SULF1: variants seen among roughly 807,000 people sequenced by gnomAD.
The protein encoded by SULF1 is extracellular sulfatase Sulf-1.
SULF1 carries 46 observed loss-of-function variants against 110.5 expected under a neutral mutation model. The ratio of observed to expected loss-of-function variants is 0.42; its 90% CI spans 0.33 to 0.53. The LOEUF (loss-of-function observed/expected upper bound fraction) is 0.53, where lower values mean the gene tolerates loss of function less well. SULF1 is among the 20% of genes least tolerant of loss of function. SULF1 has a pLI of 0.12. For synonymous variants in SULF1, 371 were observed against 387.1 expected (o/e 0.96, Z 0.49); for missense variants, 941 against 1,094.2 (o/e 0.86, Z 1.98).
intron 1 of SULF1, among the ~76,000 whole-genome samples, chr8:69,493,797 AG>A (rs1355633359): frequency 1.3e-5 from 2 of 152,252 alleles, no homozygotes. Flanking sequence ...TTTTAAGCAC[AG>A]GCAAAACTCA....
At chr8:69,538,877 G>A (rs1301995880) in intron 3 of SULF1, among the ~76,000 whole-genome samples, 1 of 152,080 alleles carries the variant, frequency 6.6e-6, no homozygotes, top group African/African-American at 2.4e-5. Context: ...ATTTTTAGTG[G>A]AGATGGGGTT....
intron 5 of SULF1, among the ~76,000 whole-genome samples, chr8:69,571,977 C>T (rs571173120): frequency 3.7e-4 from 57 of 152,296 alleles, no homozygotes; most frequent in African/African-American, 1.3e-3. Context: ...CAACAATTAA[C>T]GCCACCATGG....
intron 3 of SULF1, among the ~76,000 whole-genome samples, chr8:69,504,347 A>G (rs569285728): frequency 1.3e-5 from 2 of 152,100 alleles, no homozygotes; most frequent in Admixed American, 6.5e-5. Context: ...TGAGGTCAGG[A>G]GTTCGAGACC....
rs1364484854 is a variant in SULF1 at position 69,658,539 on chromosome 8, G to T, written c.*4G>T. 1.2e-6 allele frequency: 2 copies of T among 1,610,944 alleles called. No homozygotes were observed. Among genetic ancestry groups the T allele is most frequent in the African/African-American group, 1.3e-5 (1 of 74,854 alleles). ...ATGGGATGGATGGGAAGGTTAATCAGCCCCGTCTCACTGCAGACATCAACT... is the reference window on the plus strand; with the variant it reads ...ATGGGATGGATGGGAAGGTTAATCATCCCCGTCTCACTGCAGACATCAACT... On this transcript the variant is annotated 3_prime_UTR_variant, in exon 23 of 23. Coordinates refer to ENST00000402687, the MANE Select transcript of SULF1 (RefSeq NM_001128205.2).
At chr8:69,475,211 A>G (rs1809251130) in intron 1 of SULF1, among the ~76,000 whole-genome samples, 1 of 152,130 alleles carries the variant, frequency 6.6e-6, no homozygotes, top group Non-Finnish European at 1.5e-5. Flanking sequence ...TAGCTAAGTC[A>G]GGCCAGATTC....
chr8:69,604,546 A>G (rs1158337043), intron 12 of SULF1, among the ~76,000 whole-genome samples: 1 of 152,194 alleles, frequency 6.6e-6, no homozygotes, highest in Non-Finnish European at 1.5e-5. Context: ...TGAAACATGT[A>G]TGCCCAAATT....
intron 13 of SULF1, among the ~76,000 whole-genome samples, chr8:69,610,380 A>C (rs73686108): frequency 6.6e-6 from 1 of 152,164 alleles, no homozygotes; most frequent in African/African-American, 2.4e-5. Context: ...TACCATGGAG[A>C]TCCTCCTAGA....
At chr8:69,471,067 C>T (rs943660263) in intron 1 of SULF1, among the ~76,000 whole-genome samples, 6 of 152,184 alleles carry the variant, frequency 3.9e-5, no homozygotes, top group African/African-American at 1.4e-4. Flanking sequence ...GCTTAAGTTC[C>T]ACCGCCTTTG....
intron 3 of SULF1, among the ~76,000 whole-genome samples, chr8:69,525,192 GAGA>G (rs999510560): frequency 3.9e-5 from 6 of 152,252 alleles, no homozygotes; most frequent in African/African-American, 1.4e-4. Context: ...CTTGATGCCA[GAGA>G]AGTTTTTTTT....
intron 19 of SULF1, chr8:69,638,040 G>T: frequency 1.2e-5 from 2 of 170,824 alleles, no homozygotes; most frequent in Non-Finnish European, 2.4e-5. Context: ...CTTCTTTGTT[G>T]CAAAATCCCA....
At chr8:69,601,974 C>G in intron 10 of SULF1, 145 bp downstream of exon 10, 1 of 764,046 alleles carries the variant, frequency 1.3e-6, no homozygotes, top group Non-Finnish European at 2.0e-6. Flanking sequence ...AGATGAAAAC[C>G]TTTTCCTCCC....
intron 2 of SULF1, among the ~76,000 whole-genome samples, chr8:69,500,556 G>T (rs1270734523): frequency 6.6e-6 from 1 of 152,184 alleles, no homozygotes; most frequent in Non-Finnish European, 1.5e-5. Flanking sequence ...TTCACTGTAG[G>T]AGATCATGAG....
chr8:69,617,483 G>C (rs1034789201), intron 13 of SULF1, among the ~76,000 whole-genome samples: 2 of 131,792 alleles, frequency 1.5e-5, no homozygotes, highest in Non-Finnish European at 3.2e-5. Context: ...TGCCCAGGCT[G>C]TTCTTGAACT....
chr8:69,625,391 G>C (rs1042026277), intron 15 of SULF1, among the ~76,000 whole-genome samples: 2 of 152,210 alleles, frequency 1.3e-5, no homozygotes, highest in African/African-American at 4.8e-5. Context: ...AACCTATTGT[G>C]TCCAGAATTG....
intron 6 of SULF1, among the ~76,000 whole-genome samples, chr8:69,578,965 C>T (rs933004032): frequency 5.9e-5 from 9 of 151,370 alleles, no homozygotes; most frequent in African/African-American, 2.2e-4. Context: ...AGATCGAGAC[C>T]ATCCTGGCTA....
chr8:69,581,762 C>T (rs970933236), intron 6 of SULF1, among the ~76,000 whole-genome samples: 2 of 152,062 alleles, frequency 1.3e-5, no homozygotes, highest in Non-Finnish European at 2.9e-5. Flanking sequence ...AATTGCAGAG[C>T]GCCGCCAGGA....
At chr8:69,571,417 C>T (rs1314283317) in intron 5 of SULF1, among the ~76,000 whole-genome samples, 1 of 152,242 alleles carries the variant, frequency 6.6e-6, no homozygotes, top group Non-Finnish European at 1.5e-5. Flanking sequence ...ATGACTTGCT[C>T]AGGCTAAGCT....
At chr8:69,615,367 A>G (rs1235936116) in intron 13 of SULF1, among the ~76,000 whole-genome samples, 2 of 152,242 alleles carry the variant, frequency 1.3e-5, no homozygotes, top group Non-Finnish European at 2.9e-5. Flanking sequence ...AATTGTCATG[A>G]TATCGAGTTC....
At chr8:69,532,812 G>A (rs1029837893) in intron 3 of SULF1, among the ~76,000 whole-genome samples, 2 of 152,048 alleles carry the variant, frequency 1.3e-5, no homozygotes, top group African/African-American at 4.8e-5. Context: ...CAGCAACTCC[G>A]CCCTTTCCCT....
Sources: gnomAD v4.1 joint callset for allele counts (sites outside exome capture counted in the v4.1 genomes callset) on GRCh38, gnomAD v4.1.1 for gene constraint, MANE v1.5 for transcripts, NCBI Gene and HGNC (gene_info 2026-07-23, HGNC 2026-07-21) for gene names.